The following EBF1 variants were observed in gnomAD, a reference collection of about 807,000 sequenced individuals.
The protein encoded by EBF1 is transcription factor COE1.
In EBF1, 10 loss-of-function variants were observed where a neutral mutation model predicts 68.4. The observed-to-expected ratio is 0.15, with a 90% CI of 0.09 to 0.25. EBF1 has a LOEUF of 0.25. Among genes scored for constraint, EBF1 ranks in the 10% least tolerant of loss-of-function variants. The pLI, the probability that EBF1 is intolerant of heterozygous loss-of-function variation, is 1.00. For missense variants in EBF1, 509 were observed against 794.4 expected (o/e 0.64, Z 4.32); for synonymous variants, 298 against 299.8 (o/e 0.99, Z 0.06).
chr5:158,842,063 G>C (rs563979414), intron 6 of EBF1, among the ~76,000 whole-genome samples: 1 of 152,304 alleles, frequency 6.6e-6, no homozygotes, highest in South Asian at 2.1e-4. Context: ...CTGATTTTGA[G>C]CTCTCCTTTT....
At chr5:158,987,685 C>G (rs925997657) in intron 6 of EBF1, among the ~76,000 whole-genome samples, 2 of 152,232 alleles carry the variant, frequency 1.3e-5, no homozygotes, top group Non-Finnish European at 1.5e-5. Context: ...TACATGTGTC[C>G]GTGGGTGCCT....
intron 10 of EBF1, among the ~76,000 whole-genome samples, chr5:158,734,956 G>C (rs114331749): frequency 7.2e-5 from 11 of 152,202 alleles, no homozygotes; most frequent in African/African-American, 2.6e-4. Context: ...ATCCCAAATA[G>C]AAAAGCCTCA....
intron 5 of EBF1, among the ~76,000 whole-genome samples, chr5:159,082,829 C>T (rs1779966532): frequency 6.6e-6 from 1 of 152,130 alleles, no homozygotes; most frequent in Non-Finnish European, 1.5e-5. Context: ...TCATCATTTG[C>T]CTTCAGTGGC....
intron 6 of EBF1, among the ~76,000 whole-genome samples, chr5:158,891,518 G>A (rs1801181099): frequency 6.6e-6 from 1 of 152,060 alleles, no homozygotes; most frequent in Admixed American, 6.5e-5. Context: ...CTAAAGTCTG[G>A]CCATTTCCAG....
chr5:158,866,006 C>T (rs186063363), intron 6 of EBF1, among the ~76,000 whole-genome samples: 2 of 152,296 alleles, frequency 1.3e-5, no homozygotes, highest in African/African-American at 4.8e-5. Context: ...AATGGTATCA[C>T]ATTTGATGAT....
chr5:158,912,553 A>G (rs1448986587), intron 6 of EBF1, among the ~76,000 whole-genome samples: 1 of 152,188 alleles, frequency 6.6e-6, no homozygotes, highest in African/African-American at 2.4e-5. Context: ...ACTGAACTAG[A>G]ATCCCTTGGT....
intron 6 of EBF1, among the ~76,000 whole-genome samples, chr5:159,024,295 C>T (rs929881124): frequency 3.3e-5 from 5 of 152,164 alleles, no homozygotes; most frequent in African/African-American, 7.2e-5. Flanking sequence ...TCATTACCTG[C>T]GTGACAGTTG....
intron 10 of EBF1, among the ~76,000 whole-genome samples, chr5:158,761,878 C>T (rs1771537743): frequency 6.6e-6 from 1 of 152,114 alleles, no homozygotes; most frequent in African/African-American, 2.4e-5. Flanking sequence ...GGGCTCTTCT[C>T]TTTTTATGTA....
At chr5:158,861,278 T>C (rs911883803) in intron 6 of EBF1, among the ~76,000 whole-genome samples, 32 of 152,370 alleles carry the variant, frequency 2.1e-4, no homozygotes, top group African/African-American at 7.2e-4. Context: ...GAAAATATCA[T>C]TCATTTATAA....
intron 6 of EBF1, among the ~76,000 whole-genome samples, chr5:158,840,372 A>G (rs1789947979): frequency 6.6e-6 from 1 of 152,210 alleles, no homozygotes; most frequent in Admixed American, 6.5e-5. Flanking sequence ...ATTTTCACTC[A>G]TACAGAGGGA....
At chr5:158,836,104 T>C (rs1038463631) in intron 7 of EBF1, among the ~76,000 whole-genome samples, 16 of 152,030 alleles carry the variant, frequency 1.1e-4, no homozygotes, top group African/African-American at 3.9e-4. Context: ...AAGCTTGGGG[T>C]GGAGGCAAAA....
chr5:158,989,249 G>A (rs913547377), intron 6 of EBF1, among the ~76,000 whole-genome samples: 1 of 152,128 alleles, frequency 6.6e-6, no homozygotes, highest in African/African-American at 2.4e-5. Flanking sequence ...GGAGAAGAAG[G>A]GCTTTCTGCA....
intron 6 of EBF1, among the ~76,000 whole-genome samples, chr5:158,947,330 C>T (rs1490331936): frequency 2.0e-5 from 3 of 152,142 alleles, no homozygotes; most frequent in African/African-American, 2.4e-5. Context: ...TATTGGCAAC[C>T]GGGAGAATCT....
At chr5:158,907,771 C>T (rs1014739727) in intron 6 of EBF1, among the ~76,000 whole-genome samples, 2 of 150,608 alleles carry the variant, frequency 1.3e-5, no homozygotes, top group Non-Finnish European at 3.0e-5. Flanking sequence ...AAAAAAAAAA[C>T]AAATGCTCAA....
intron 6 of EBF1, among the ~76,000 whole-genome samples, chr5:158,982,763 G>A (rs1414687710): frequency 1.3e-5 from 2 of 148,322 alleles, no homozygotes; most frequent in East Asian, 3.9e-4. Flanking sequence ...TAATCCTGTT[G>A]GTATTTAAAG....
intron 6 of EBF1, among the ~76,000 whole-genome samples, chr5:159,051,328 C>T (rs756210065): frequency 1.8e-4 from 27 of 151,374 alleles, no homozygotes; most frequent in Non-Finnish European, 3.2e-4. Flanking sequence ...TTGCTCCCAC[C>T]CTGTCCCCTC....
chr5:158,752,327 CAAAAA>C (rs199938065), intron 10 of EBF1, among the ~76,000 whole-genome samples: 9 of 104,928 alleles, frequency 8.6e-5, no homozygotes, highest in Admixed American at 9.8e-5. Context: ...GTATTTATTC[CAAAAA>C]AAAAAAAAAA....
chr5:158,842,123 T>C (rs1316119332), intron 6 of EBF1, among the ~76,000 whole-genome samples: 1 of 152,238 alleles, frequency 6.6e-6, no homozygotes, highest in Non-Finnish European at 1.5e-5. Context: ...AGCCAGTCAT[T>C]GACTCTTGCC....
intron 10 of EBF1, among the ~76,000 whole-genome samples, chr5:158,764,599 CA>C (rs1421944110): frequency 1.3e-5 from 2 of 152,096 alleles, no homozygotes; most frequent in Non-Finnish European, 2.9e-5. Context: ...AGGCTACACA[CA>C]AGGAAGCAAA....
Sources: gnomAD v4.1 joint callset for allele counts (sites outside exome capture counted in the v4.1 genomes callset) on GRCh38, gnomAD v4.1.1 for gene constraint, MANE v1.5 for transcripts, NCBI Gene and HGNC (gene_info 2026-07-23, HGNC 2026-07-21) for gene names.